Variants in GPC6 observed in about 807,000 individuals in gnomAD.
The protein encoded by GPC6 is glypican 6, also known as glypican-6.
In GPC6, 14 loss-of-function variants were observed where a neutral mutation model predicts 55.2. The ratio of observed to expected loss-of-function variants is 0.25; its 90% CI spans 0.17 to 0.40. The LOEUF (loss-of-function observed/expected upper bound fraction) is 0.40, where lower values mean the gene tolerates loss of function less well. Ranked by LOEUF, GPC6 falls within the 10% of genes least tolerant of loss-of-function variation. The pLI is 1.00. For missense variants in GPC6, 641 were observed against 708.5 expected, an observed-to-expected ratio of 0.90 and a Z score of 1.08; for synonymous variants, 278 against 259.6, an observed-to-expected ratio of 1.07 and a Z score of -0.68.
intron 1 of GPC6, among the ~76,000 whole-genome samples, chr13:93,482,079 T>C (rs1397392066): frequency 6.6e-6 from 1 of 152,188 alleles, no homozygotes; most frequent in Middle Eastern, 3.2e-3. Context: ...GTCTTTAATT[T>C]AGTTCAATAA....
At chr13:94,093,510 G>C (rs1435053032) in intron 4 of GPC6, among the ~76,000 whole-genome samples, 1 of 152,040 alleles carries the variant, frequency 6.6e-6, no homozygotes, top group African/African-American at 2.4e-5. Flanking sequence ...CCGTAACTCA[G>C]TAGTATATTT....
chr13:93,438,048 C>T (rs1039647379), intron 1 of GPC6, among the ~76,000 whole-genome samples: 2 of 152,154 alleles, frequency 1.3e-5, no homozygotes, highest in Non-Finnish European at 2.9e-5. Flanking sequence ...ACAACCAAAC[C>T]TGGATTGACA....
chr13:93,457,687 AT>A (rs1878510800), intron 1 of GPC6, among the ~76,000 whole-genome samples: 1 of 152,162 alleles, frequency 6.6e-6, no homozygotes, highest in East Asian at 1.9e-4. Flanking sequence ...TTGTACTAAA[AT>A]TTTATTGACT....
At chr13:93,920,052 T>C (rs1420417951) in intron 3 of GPC6, among the ~76,000 whole-genome samples, 1 of 152,132 alleles carries the variant, frequency 6.6e-6, no homozygotes, top group African/African-American at 2.4e-5. Flanking sequence ...ACAGTTAATG[T>C]TTCCTCTGTG....
chr13:93,581,600 G>A lies in GPC6; in HGVS notation c.319+36179G>A, dbSNP rs61175813. ...TGCACTCCTGTAGTCTTAGCTACTC[G>A]GGAGGCTGAGGTGGGAGAATCGCTT... On this transcript the variant is annotated intron_variant, in intron 2 of 8. Coordinates refer to ENST00000377047, the MANE Select transcript of GPC6 (RefSeq NM_005708.5). Among the ~76,000 whole-genome samples the A allele has an allele frequency of 4.4e-3, 676 of 152,218 alleles. 5 individuals are homozygous for A. The highest frequency in any genetic ancestry group is 0.015 in the African/African-American group (633 of 41,548).
In GPC6 at chr13:93,415,457, G is replaced by A. The variant is rs147967495; in HGVS notation, c.161-129806G>A. 1.2e-3 allele frequency among the ~76,000 whole-genome samples: 187 copies of A among 151,784 alleles called. 2 individuals are homozygous for A. The highest frequency in any genetic ancestry group is 4.4e-3 in the African/African-American group (182 of 41,386). ...CCCTCATTTTCTTAATATTTTTATC[G>A]TATTTTATTTTTAGAAATGTATAAT... On this transcript the variant is annotated intron_variant, in intron 1 of 8. Transcript: ENST00000377047.
intron 3 of GPC6, among the ~76,000 whole-genome samples, chr13:93,878,705 A>G (rs1356062415): frequency 6.6e-6 from 1 of 152,052 alleles, no homozygotes; most frequent in Non-Finnish European, 1.5e-5. Context: ...TGCCATGTGA[A>G]GACAGAGCCT....
At chr13:93,891,963 A>G (rs1170597146) in intron 3 of GPC6, among the ~76,000 whole-genome samples, 2 of 151,914 alleles carry the variant, frequency 1.3e-5, no homozygotes, top group Non-Finnish European at 2.9e-5. Flanking sequence ...ATATATAAAA[A>G]TTGTCAATTA....
chr13:93,851,443 G>A (rs1212271592), intron 3 of GPC6, among the ~76,000 whole-genome samples: 3 of 151,896 alleles, frequency 2.0e-5, no homozygotes, highest in Non-Finnish European at 4.4e-5. Context: ...AGAGGGCACA[G>A]TGCCATCTAA....
intron 2 of GPC6, among the ~76,000 whole-genome samples, chr13:93,659,139 G>A (rs1233391913): frequency 6.6e-6 from 1 of 151,692 alleles, no homozygotes; most frequent in South Asian, 2.1e-4. Context: ...TGTCATATTC[G>A]TTAGTATAAA....
At chr13:93,912,339 A>G (rs973699563) in intron 3 of GPC6, among the ~76,000 whole-genome samples, 3 of 152,174 alleles carry the variant, frequency 2.0e-5, no homozygotes, top group Non-Finnish European at 4.4e-5. Context: ...AATACAATTA[A>G]TGGCCTTTTC....
chr13:93,829,127 A>G (rs772318967), intron 2 of GPC6, among the ~76,000 whole-genome samples: 2 of 152,200 alleles, frequency 1.3e-5, no homozygotes, highest in African/African-American at 2.4e-5. Flanking sequence ...GTAAAGCAGA[A>G]TCATTTTACT....
At chr13:93,265,840 G>A (rs1179940140) in intron 1 of GPC6, among the ~76,000 whole-genome samples, 3 of 147,686 alleles carry the variant, frequency 2.0e-5, no homozygotes, top group Non-Finnish European at 4.5e-5. Flanking sequence ...GGTTGGCCTC[G>A]AACGCATAGC....
intron 3 of GPC6, among the ~76,000 whole-genome samples, chr13:93,857,924 G>A (rs1192228009): frequency 6.6e-6 from 1 of 151,544 alleles, no homozygotes; most frequent in Non-Finnish European, 1.5e-5. Flanking sequence ...AGATAATGGG[G>A]AAGAGGAAAG....
intron 4 of GPC6, among the ~76,000 whole-genome samples, chr13:94,273,800 A>G (rs1302951402): frequency 6.6e-6 from 1 of 152,212 alleles, no homozygotes; most frequent in Non-Finnish European, 1.5e-5. Flanking sequence ...TTCTTCTCTC[A>G]GAAAGATCTT....
chr13:93,878,008 G>A lies in GPC6; in HGVS notation c.711+47463G>A, dbSNP rs143080394. ...AAAGCAGTACATTTTAAAGTTATCT[G>A]GTAGGCAGAAGAAAATGTGAGAGTT... On this transcript the variant is annotated intron_variant, in intron 3 of 8. Coordinates refer to ENST00000377047, the MANE Select transcript of GPC6 (RefSeq NM_005708.5). Among the ~76,000 whole-genome samples the A allele has an allele frequency of 1.5e-3, 231 of 152,094 alleles. 4 individuals carry two copies. Among genetic ancestry groups the A allele is most frequent in the African/African-American group, 5.3e-3 (219 of 41,526 alleles).
intron 4 of GPC6, among the ~76,000 whole-genome samples, chr13:94,077,446 C>T (rs1884956502): frequency 6.6e-6 from 1 of 151,618 alleles, no homozygotes; most frequent in African/African-American, 2.4e-5. Context: ...TTTTCCTTTC[C>T]AATTGGAAGC....
chr13:93,516,228 G>A (rs1881185284), intron 1 of GPC6, among the ~76,000 whole-genome samples: 1 of 152,144 alleles, frequency 6.6e-6, no homozygotes, highest in Non-Finnish European at 1.5e-5. Context: ...CAGCACCGAT[G>A]TTATCAACTC....
intron 1 of GPC6, among the ~76,000 whole-genome samples, chr13:93,427,992 A>G (rs891955149): frequency 6.6e-6 from 1 of 152,172 alleles, no homozygotes; most frequent in East Asian, 1.9e-4. Context: ...TATTCACACC[A>G]TGATAACTTC....
Sources: allele counts gnomAD v4.1 joint callset (sites outside exome capture counted in the v4.1 genomes callset), GRCh38; gene constraint gnomAD v4.1.1; transcripts MANE v1.5; gene names NCBI Gene and HGNC (gene_info 2026-07-23, HGNC 2026-07-21).